The following CFAP52 variants were observed in gnomAD, a reference collection of about 807,000 sequenced individuals.
CFAP52 encodes cilia and flagella associated protein 52.
Under a neutral mutation model 70.5 loss-of-function variants are expected in CFAP52, and 57 were observed. That is an observed-to-expected ratio of 0.81 (90% confidence interval 0.65 to 1.01). The LOEUF (loss-of-function observed/expected upper bound fraction) is 1.01, where lower values mean the gene tolerates loss of function less well. Among genes scored for constraint, CFAP52 ranks in the 50% least tolerant of loss-of-function variants. The pLI is 0.00. For synonymous variants in CFAP52, 267 were observed against 292.5 expected, an observed-to-expected ratio of 0.91 and a Z score of 0.89; for missense variants, 785 against 788.5, an observed-to-expected ratio of 1.00 and a Z score of 0.05.
rs182744395 is a variant in CFAP52, at chr17:9,613,747, G to A, written c.1025+1268G>A. 1.7e-3 allele frequency among the ~76,000 whole-genome samples: 259 copies of A among 152,122 alleles called. 1 individual carries two copies. The highest frequency in any genetic ancestry group is 6.1e-3 in the African/African-American group (253 of 41,496). On this transcript the variant is annotated intron_variant, in intron 8 of 13. Transcript: ENST00000352665. ...TTGGCCAGGCTGGTCTTGAACTCCC[G>A]ACTTCAAGTGATCCACCCACCTCAG...
In CFAP52 at chr17:9,635,656, T is replaced by C. The variant is rs1910742191; in HGVS notation, c.1472+100T>C. The C allele has an allele frequency of 4.0e-6, 6 of 1,493,986 alleles. No individual in the cohort carries two copies. In the South Asian group the frequency reaches 7.6e-5, roughly 19 times the overall value. The allele number at this position is 1,493,986 out of a possible 1,614,324, so 92.5% of individuals were successfully genotyped here. A position where few individuals can be genotyped will look rare whatever the true frequency, so the allele number is the denominator to read the frequency against. On this transcript the variant is annotated intron_variant, in intron 11 of 13. Coordinates refer to ENST00000352665, the MANE Select transcript of CFAP52 (RefSeq NM_145054.5). ...AGAAGATTCACATGGAGGGTAGAAA[T>C]CTTATTTAAGGCAACACAGTAAAGG...
chr17:9,638,999 G>T, intron 12 of CFAP52: 1 of 341,918 alleles, frequency 2.9e-6, no homozygotes, highest in South Asian at 6.0e-5. Context: ...TCAATAGATT[G>T]GTTTTTATTA....
At position 9,598,208 on chromosome 17, in the gene CFAP52, G is replaced by GT. The variant is rs1489339190; in HGVS notation, c.537-20dup. ...TTAAATGGGTGTCCATTTGATTGTG[G>GT]TTTTTTGTTTTTTTTTTTTACATAG... On this transcript the variant is annotated intron_variant, in intron 4 of 13. Coordinates refer to ENST00000352665, the MANE Select transcript of CFAP52 (RefSeq NM_145054.5). The GT allele has an allele frequency of 8.5e-6, 13 of 1,523,300 alleles. No homozygotes were observed. In the African/African-American group the frequency reaches 9.0e-5, roughly 11 times the overall value. 94.4% of individuals were successfully genotyped at this position (1,523,300 alleles called of 1,614,324 possible). A position where few individuals can be genotyped will look rare whatever the true frequency, so the allele number is the denominator to read the frequency against.
At chr17:9,614,577 C>T (rs901800703) in intron 8 of CFAP52, among the ~76,000 whole-genome samples, 12 of 151,934 alleles carry the variant, frequency 7.9e-5, no homozygotes, top group South Asian at 6.2e-4. Context: ...TAAATGAATT[C>T]GTTTATTATA....
At chr17:9,626,642 G>T (rs751364192) in intron 8 of CFAP52, among the ~76,000 whole-genome samples, 2 of 152,086 alleles carry the variant, frequency 1.3e-5, no homozygotes, top group Non-Finnish European at 2.9e-5. Context: ...TTCACCAAAG[G>T]CATTATCTAA....
intron 3 of CFAP52, among the ~76,000 whole-genome samples, chr17:9,587,690 C>G (rs943254733): frequency 4.6e-5 from 7 of 152,070 alleles, no homozygotes; most frequent in African/African-American, 1.7e-4. Context: ...TGTTCATGTC[C>G]TTTGCCTGCT....
downstream of CFAP52, chr17:9,645,173 C>T (rs1018278304): frequency 6.9e-4 from 106 of 153,100 alleles, no homozygotes; most frequent in African/African-American, 2.3e-3. The surrounding 1 kb of genome is among the most constrained non-coding windows in gnomAD (Gnocchi z 6.8). Context: ...CTCACCACGC[C>T]CGAGGCTGTG....
At chr17:9,586,568 C>CAA (rs11296135) in intron 2 of CFAP52, 130 bp from the exon 3 acceptor site, 183 of 894,112 alleles carry the variant, frequency 2.0e-4, no homozygotes, top group South Asian at 3.6e-4. Context: ...TCCGTCTCAA[C>CAA]AAAAAAAAAA....
At chr17:9,626,422 G>A (rs562854055) in intron 8 of CFAP52, among the ~76,000 whole-genome samples, 95 of 152,230 alleles carry the variant, frequency 6.2e-4, no homozygotes, top group Non-Finnish European at 1.0e-3. Context: ...TAGATACAGC[G>A]TTTTGCCATG....
At position 9,576,894 on chromosome 17, in the gene CFAP52, G is replaced by A. The variant is rs188939658; in HGVS notation, c.70+129G>A. On this transcript the variant is annotated intron_variant, in intron 1 of 13. Coordinates refer to ENST00000352665, the MANE Select transcript of CFAP52 (RefSeq NM_145054.5). Reference sequence around the variant, plus strand: ...GACAACGGCAGGAGCCCTGGCCAGGGACACGCACAGGAGGACCCGCACAGC... The same window carrying A: ...GACAACGGCAGGAGCCCTGGCCAGGAACACGCACAGGAGGACCCGCACAGC... The A allele has an allele frequency of 2.4e-4, 227 of 963,338 alleles. No homozygotes were observed. In the African/African-American group the frequency reaches 3.2e-3, roughly 14 times the overall value. 59.7% of individuals were successfully genotyped at this position (963,338 alleles called of 1,614,324 possible).
intron 12 of CFAP52, among the ~76,000 whole-genome samples, chr17:9,640,798 C>T (rs1044424047): frequency 6.6e-6 from 1 of 152,056 alleles, no homozygotes; most frequent in African/African-American, 2.4e-5. Context: ...TGTGTGCCAC[C>T]ACATCCAGCT....
intron 7 of CFAP52, chr17:9,610,215 T>A (rs1909660970): frequency 6.6e-6 from 1 of 151,870 alleles, no homozygotes; most frequent in Non-Finnish European, 1.5e-5. Context: ...AAAAACAAAC[T>A]ATGTTGGGTT....
chr17:9,628,266 C>A (rs1458176852), intron 8 of CFAP52, among the ~76,000 whole-genome samples: 1 of 151,260 alleles, frequency 6.6e-6, no homozygotes, highest in African/African-American at 2.4e-5. Flanking sequence ...TAATAAAAGG[C>A]ATCCTTCCCT....
At chr17:9,610,933 A>C (rs1195063720) in intron 7 of CFAP52, among the ~76,000 whole-genome samples, 1 of 152,186 alleles carries the variant, frequency 6.6e-6, no homozygotes, top group East Asian at 1.9e-4. Flanking sequence ...GTGGGCTAGC[A>C]ACAGATATAA....
At chr17:9,584,458 A>G (rs984977315) in intron 1 of CFAP52, 7 of 1,025,206 alleles carry the variant, frequency 6.8e-6, no homozygotes, top group Admixed American at 3.5e-5. Context: ...GGTTGTATCA[A>G]TTTAAAGTGT....
rs747471710 is a variant in CFAP52 at position 9,586,795 on chromosome 17, A to T, written c.368A>T (p.Asp123Val). 1 of 1,613,356 alleles carries T rather than the reference A, an allele frequency of 6.2e-7. No individual in the cohort carries two copies. Among genetic ancestry groups the T allele is most frequent in the East Asian group, 2.2e-5 (1 of 44,816 alleles). The change falls in exon 3 of 14, where the codon GAT becomes GTT. Residue 123 changes from aspartate (D) to valine (V), a missense_variant. Coordinates refer to ENST00000352665, the MANE Select transcript of CFAP52 (RefSeq NM_145054.5). The part of the protein sequence containing the change: ...KIEALAFSPN[D>V]LYLVSLGGPD... ...GAAGCTCTGGCCTTTTCTCCAAATG[A>T]TTTGTACTTGGTATCACTAGGAGGC...
In CFAP52 at chr17:9,643,099, C is replaced by T; in HGVS notation, c.1764C>T (p.Gly588=). 1 of 1,613,536 alleles carries T rather than the reference C, an allele frequency of 6.2e-7. No individual in the cohort carries two copies. Among genetic ancestry groups the T allele is most frequent in the Non-Finnish European group, 8.5e-7 (1 of 1,179,778 alleles). Residue 588 remains glycine, a synonymous_variant, in exon 14 of 14, where the codon GGC becomes GGT. Transcript: ENST00000352665. ...CTCACGTTGGGGTGGGACACAGTGG[C>T]AACATCACACGCATCCGCATAAGTC... ...EVTHVGVGHS[G]NITRIRISPG...
At chr17:9,591,296 C>T (rs1908749757) in intron 3 of CFAP52, among the ~76,000 whole-genome samples, 1 of 152,060 alleles carries the variant, frequency 6.6e-6, no homozygotes, top group Non-Finnish European at 1.5e-5. Context: ...CCTCGGCCTC[C>T]CAAAGTGCTG....
intron 4 of CFAP52, among the ~76,000 whole-genome samples, chr17:9,596,872 C>T (rs373430345): frequency 5.9e-5 from 9 of 152,198 alleles, no homozygotes; most frequent in African/African-American, 1.4e-4. Flanking sequence ...CCCACCACCA[C>T]GCCTGGCTAA....
Sources: allele counts gnomAD v4.1 joint callset (sites outside exome capture counted in the v4.1 genomes callset), GRCh38; gene constraint gnomAD v4.1.1; non-coding constraint Gnocchi (gnomAD v3.1); transcripts MANE v1.5; gene names NCBI Gene and HGNC (gene_info 2026-07-23, HGNC 2026-07-21).